TSPAN9: variants seen among roughly 807,000 people sequenced by gnomAD.
TSPAN9 encodes tetraspanin-9.
A neutral mutation model predicts 31.0 loss-of-function variants in TSPAN9; 16 were observed. The ratio of observed to expected loss-of-function variants is 0.52; its 90% CI spans 0.35 to 0.78. The LOEUF (loss-of-function observed/expected upper bound fraction) is 0.78. Ranked by LOEUF, TSPAN9 falls within the 30% of genes least tolerant of loss-of-function variation. The pLI is 0.01. For missense variants in TSPAN9, 272 were observed against 312.5 expected, an observed-to-expected ratio of 0.87 and a Z score of 0.98; for synonymous variants, 145 against 121.6, an observed-to-expected ratio of 1.19 and a Z score of -1.27.
chr12:3,260,116 G>C (rs1565635801), intron 3 of TSPAN9, among the ~76,000 whole-genome samples: 1 of 152,264 alleles, frequency 6.6e-6, no homozygotes, highest in Non-Finnish European at 1.5e-5. Context: ...GGGTGCAGGA[G>C]GCTGGAGCTC....
intron 3 of TSPAN9, among the ~76,000 whole-genome samples, chr12:3,236,785 G>A (rs2098393994): frequency 6.6e-6 from 1 of 152,152 alleles, no homozygotes; most frequent in Admixed American, 6.5e-5. Flanking sequence ...TCAGCAGGAG[G>A]GAGAGGGTGG....
chr12:3,090,410 A>C (rs1438519366), intron 2 of TSPAN9, among the ~76,000 whole-genome samples: 1 of 152,186 alleles, frequency 6.6e-6, no homozygotes, highest in Non-Finnish European at 1.5e-5. Flanking sequence ...GTCAGCTGGT[A>C]GCTCTGCAGG....
At chr12:3,089,194 T>G (rs189874450) in intron 2 of TSPAN9, among the ~76,000 whole-genome samples, 1 of 145,162 alleles carries the variant, frequency 6.9e-6, no homozygotes, top group Non-Finnish European at 1.5e-5. Flanking sequence ...ATCGCGCCAC[T>G]GCACTCCAGC....
Position 3,280,579 on chromosome 12 carries a change from T to C in TSPAN9, c.432+96T>C. The C allele has an allele frequency of 8.5e-7, 1 of 1,182,678 alleles. No individual in the cohort carries two copies. The highest frequency in any genetic ancestry group is 1.3e-5 in the South Asian group (1 of 75,436). The allele number at this position is 1,182,678 out of a possible 1,614,324, so 73.3% of individuals were successfully genotyped here. ...CCCCGGTGACCTGGCCGGGCACCTG[T>C]GCTTTCTGGATTTTAGCCGGGAGTG... On this transcript the variant is annotated intron_variant, in intron 6 of 8. Transcript: ENST00000011898. This position sits in a 1 kb window ranked among gnomAD's most constrained non-coding sequence, Gnocchi z 4.5.
At chr12:3,244,007 C>T (rs1194313928) in intron 3 of TSPAN9, among the ~76,000 whole-genome samples, 1 of 152,238 alleles carries the variant, frequency 6.6e-6, no homozygotes, top group Non-Finnish European at 1.5e-5. Context: ...TGGTGCCTGG[C>T]ACCTGGGCCA....
At position 3,209,958 on chromosome 12, in the gene TSPAN9, CAAA is replaced by C. The variant is rs57719008; in HGVS notation, c.63+8728_63+8730del. Among the ~76,000 whole-genome samples, 134 of 49,756 alleles carry C rather than the reference CAAA, an allele frequency of 2.7e-3. 1 individual carries two copies. The highest frequency in any genetic ancestry group is 7.5e-3 in the African/African-American group (116 of 15,380). 32.6% of individuals were successfully genotyped at this position (49,756 alleles called of 152,430 possible). A position where few individuals can be genotyped will look rare whatever the true frequency, so the allele number is the denominator to read the frequency against. On this transcript the variant is annotated intron_variant, in intron 3 of 8. Coordinates refer to ENST00000011898, the MANE Select transcript of TSPAN9 (RefSeq NM_006675.5). ...TGGGCGACAGAGTGAGACTCTGTCC[CAAA>C]AAAAAAAAAAAAAAAAAAAAAAAAA... is the stretch of plus-strand genomic sequence containing the variant.
intron 2 of TSPAN9, among the ~76,000 whole-genome samples, chr12:3,149,101 C>T (rs17835270): frequency 0.24 from 36,516 of 152,108 alleles, 4,540 homozygotes; most frequent in East Asian, 0.35. Context: ...TAGAAATGGT[C>T]GAATTCTTCC....
Position 3,269,228 on chromosome 12 carries a change from C to G in TSPAN9, c.64-9193C>G, listed in dbSNP as rs1428457238. Among the ~76,000 whole-genome samples, 8 of 26,790 alleles carry G rather than the reference C, an allele frequency of 3.0e-4. No homozygotes were observed. In the East Asian group the frequency reaches 5.7e-3, roughly 19 times the overall value. 17.6% of individuals were successfully genotyped at this position (26,790 alleles called of 152,430 possible). ...TCTGTGTTCCTGCAGCCTGCCCTCT[C>G]TGTGTTCCTGCAGCCTGCCCTGTGT... On this transcript the variant is annotated intron_variant, in intron 3 of 8. Transcript: ENST00000011898.
chr12:3,184,417 AAG>A (rs370432779), intron 2 of TSPAN9, among the ~76,000 whole-genome samples: 8 of 151,428 alleles, frequency 5.3e-5, no homozygotes, highest in African/African-American at 1.5e-4. Context: ...AAAAGAAAGA[AAG>A]AGAAAGAGAG....
At chr12:3,120,011 A>C (rs1438061342) in intron 2 of TSPAN9, among the ~76,000 whole-genome samples, 3 of 152,180 alleles carry the variant, frequency 2.0e-5, no homozygotes. Flanking sequence ...TTCGTGCCAG[A>C]TGATCCTGGA....
At chr12:3,095,812 T>C (rs979793446) in intron 2 of TSPAN9, among the ~76,000 whole-genome samples, 1 of 138,360 alleles carries the variant, frequency 7.2e-6, no homozygotes, top group Non-Finnish European at 1.6e-5. Flanking sequence ...ACTTCCTAGA[T>C]GGGATGGCGG....
chr12:3,095,388 C>T (rs1478465681), intron 2 of TSPAN9, among the ~76,000 whole-genome samples: 1 of 150,960 alleles, frequency 6.6e-6, no homozygotes, highest in Non-Finnish European at 1.5e-5. Context: ...CTGTTGGGTA[C>T]ACCTCCCAGA....
chr12:3,184,850 C>A (rs2098360353), intron 2 of TSPAN9, among the ~76,000 whole-genome samples: 1 of 152,144 alleles, frequency 6.6e-6, no homozygotes, highest in Non-Finnish European at 1.5e-5. Flanking sequence ...GGAACAGGGC[C>A]TCTGTGTTGC....
chr12:3,186,613 C>T (rs561570493), intron 2 of TSPAN9, among the ~76,000 whole-genome samples: 1 of 150,418 alleles, frequency 6.6e-6, no homozygotes, highest in African/African-American at 2.4e-5. Flanking sequence ...TTGTCTTTTT[C>T]TTTGAGAGAC....
At chr12:3,166,838 C>T (rs1361313906) in intron 2 of TSPAN9, among the ~76,000 whole-genome samples, 7 of 152,240 alleles carry the variant, frequency 4.6e-5, no homozygotes, top group Admixed American at 1.3e-4. Flanking sequence ...GCTCTGTCAC[C>T]GAGGCTGGAA....
At chr12:3,081,808 TTG>T (rs985080707) in intron 1 of TSPAN9, among the ~76,000 whole-genome samples, 26 of 58,414 alleles carry the variant, frequency 4.5e-4, no homozygotes, top group South Asian at 7.0e-4. Context: ...ATCTAAAAAA[TTG>T]TGTGTGTGTG....
rs191287505 is a variant in TSPAN9, at chr12:3,282,713, G to A, written c.649-332G>A. Among the ~76,000 whole-genome samples, 266 of 152,214 alleles carry A rather than the reference G, an allele frequency of 1.7e-3. 2 individuals carry two copies. Among genetic ancestry groups the A allele is most frequent in the Admixed American group, 0.014 (219 of 15,292 alleles). On this transcript the variant is annotated intron_variant, in intron 8 of 8. Coordinates refer to ENST00000011898, the MANE Select transcript of TSPAN9 (RefSeq NM_006675.5). ...CTGCCACCTCCCACTCCCCACCTTGGCTCCTGTGAGCCCCCACGTAGAGCC... is the reference window on the plus strand; with the variant it reads ...CTGCCACCTCCCACTCCCCACCTTGACTCCTGTGAGCCCCCACGTAGAGCC...
intron 3 of TSPAN9, among the ~76,000 whole-genome samples, chr12:3,244,481 C>T (rs778064815): frequency 2.5e-4 from 38 of 152,188 alleles, no homozygotes; most frequent in Non-Finnish European, 4.6e-4. Flanking sequence ...CTGCAGATGG[C>T]GTGAGGTGCG....
At position 3,249,386 on chromosome 12, in the gene TSPAN9, A is replaced by G. The variant is rs532287547; in HGVS notation, c.64-29035A>G. On this transcript the variant is annotated intron_variant, in intron 3 of 8. Transcript: ENST00000011898. ...CCTGCCCACCATTCTCTCCAGATCAATTACCCGTGCTCATTACCAGCCCTC... is the reference window on the plus strand; with the variant it reads ...CCTGCCCACCATTCTCTCCAGATCAGTTACCCGTGCTCATTACCAGCCCTC... Among the ~76,000 whole-genome samples the G allele has an allele frequency of 1.8e-4, 28 of 152,110 alleles. No homozygotes were observed. The East Asian group carries it at 4.3e-3, about 23-fold the overall frequency.
Sources: gnomAD v4.1 joint callset for allele counts (sites outside exome capture counted in the v4.1 genomes callset) on GRCh38, gnomAD v4.1.1 for gene constraint, Gnocchi (gnomAD v3.1) non-coding constraint, MANE v1.5 for transcripts, NCBI Gene and HGNC (gene_info 2026-07-23, HGNC 2026-07-21) for gene names.